MMS22L: variants seen among roughly 807,000 people sequenced by gnomAD.
MMS22L encodes MMS22 like, DNA repair protein.
MMS22L carries 74 observed loss-of-function variants against 159.1 expected under a neutral mutation model. The observed-to-expected ratio is 0.47, with a 90% CI of 0.39 to 0.56. MMS22L has a LOEUF of 0.56. Among genes scored for constraint, MMS22L ranks in the 20% least tolerant of loss-of-function variants. MMS22L has a pLI of 0.00. For missense variants in MMS22L, 1,351 were observed against 1,422.1 expected (o/e 0.95, Z 0.80); for synonymous variants, 517 against 506.9 (o/e 1.02, Z -0.27).
chr6:97,231,293 T>C (rs376764602), intron 13 of MMS22L, 133 bp downstream of exon 13: 3 of 642,708 alleles, frequency 4.7e-6, no homozygotes, highest in East Asian at 5.5e-5. Flanking sequence ...TTTAATCAAA[T>C]GCATATAATG....
intron 14 of MMS22L, among the ~76,000 whole-genome samples, chr6:97,209,627 G>T (rs1192333046): frequency 6.6e-6 from 1 of 151,928 alleles, no homozygotes; most frequent in Non-Finnish European, 1.5e-5. Flanking sequence ...AAGCAAATAT[G>T]CTGTTTAGTA....
chr6:97,188,005 C>A (rs1213929520), intron 14 of MMS22L, among the ~76,000 whole-genome samples: 2 of 152,094 alleles, frequency 1.3e-5, no homozygotes, highest in African/African-American at 4.8e-5. Context: ...GTAAACAATT[C>A]TCATAAAAGC....
At chr6:97,211,565 A>T (rs1268661798) in intron 14 of MMS22L, among the ~76,000 whole-genome samples, 1 of 152,148 alleles carries the variant, frequency 6.6e-6, no homozygotes, top group Non-Finnish European at 1.5e-5. Flanking sequence ...TCTATGTAGC[A>T]TCCGTGTTGT....
chr6:97,267,702 A>T, intron 8 of MMS22L, 170 bp downstream of exon 8: 5 of 414,750 alleles, frequency 1.2e-5, no homozygotes, highest in Admixed American at 4.8e-5. Flanking sequence ...AGCCTCTTTT[A>T]GATGTTTAAA....
In MMS22L at chr6:97,282,942, C is replaced by T. The variant is rs113938901; in HGVS notation, c.-77+154G>A. 7.3e-3 allele frequency: 1,122 copies of T among 153,642 alleles called. 19 individuals carry two copies. Among genetic ancestry groups the T allele is most frequent in the African/African-American group, 0.025 (1,051 of 41,586 alleles). 9.5% of individuals were successfully genotyped at this position (153,642 alleles called of 1,614,324 possible). ...CTCGGGGTGGAAATTAGGAAAGCAA[C>T]CCCTAGGGCCAACCCCGACCCTCCA... On this transcript the variant is annotated intron_variant, in intron 1 of 24. Coordinates refer to ENST00000683635, the MANE Select transcript of MMS22L (RefSeq NM_001350599.2).
intron 11 of MMS22L, among the ~76,000 whole-genome samples, chr6:97,240,201 T>C (rs1465526128): frequency 6.6e-6 from 1 of 152,184 alleles, no homozygotes; most frequent in African/African-American, 2.4e-5. Flanking sequence ...CAACACATAG[T>C]CCTATACTAC....
intron 15 of MMS22L, among the ~76,000 whole-genome samples, chr6:97,184,376 G>T (rs955101254): frequency 6.6e-6 from 1 of 151,948 alleles, no homozygotes; most frequent in Non-Finnish European, 1.5e-5. Context: ...TGGTTTTAAA[G>T]AATTATTTAT....
intron 2 of MMS22L, 33 bp from the exon 3 acceptor site, chr6:97,281,395 G>A: frequency 6.5e-7 from 1 of 1,531,134 alleles, no homozygotes; most frequent in Non-Finnish European, 8.9e-7. Context: ...CTCATAAAAA[G>A]TATACTAAGT....
intron 14 of MMS22L, among the ~76,000 whole-genome samples, chr6:97,202,079 A>G (rs141275978): frequency 1.6e-3 from 250 of 152,306 alleles, no homozygotes; most frequent in African/African-American, 5.9e-3. Flanking sequence ...TATTCTTCTT[A>G]TAACAACATA....
rs1401013668 is a variant in MMS22L, at chr6:97,143,251, A to G, written c.*3555T>C. 2.0e-5 allele frequency: 3 copies of G among 152,190 alleles called. No homozygotes were observed. The highest frequency in any genetic ancestry group is 7.2e-5 in the African/African-American group (3 of 41,446). 9.4% of individuals were successfully genotyped at this position (152,190 alleles called of 1,614,324 possible). A position where few individuals can be genotyped will look rare whatever the true frequency, so the allele number is the denominator to read the frequency against. On this transcript the variant is annotated 3_prime_UTR_variant, in exon 25 of 25. Coordinates refer to ENST00000683635, the MANE Select transcript of MMS22L (RefSeq NM_001350599.2). ...ATTTTCTTCCTATTTAAGTGTCTTC[A>G]ATTTCTATAGGAAAGAGGTCCTATA...
At chr6:97,170,510 T>C (rs1803427645) in intron 19 of MMS22L, among the ~76,000 whole-genome samples, 1 of 151,794 alleles carries the variant, frequency 6.6e-6, no homozygotes, top group Non-Finnish European at 1.5e-5. Flanking sequence ...TATTAACAAA[T>C]AAAACTGAAA....
intron 14 of MMS22L, among the ~76,000 whole-genome samples, chr6:97,221,745 T>C (rs1031982053): frequency 5.3e-5 from 8 of 152,042 alleles, no homozygotes; most frequent in African/African-American, 9.7e-5. Context: ...AAACTGGTAA[T>C]AGATTTTATT....
intron 22 of MMS22L, among the ~76,000 whole-genome samples, chr6:97,152,638 A>G (rs1801426017): frequency 6.6e-6 from 1 of 152,158 alleles, no homozygotes. Context: ...CACAAAATAT[A>G]TGATGAACAT....
At chr6:97,198,723 T>C (rs1448722536) in intron 14 of MMS22L, among the ~76,000 whole-genome samples, 1 of 152,062 alleles carries the variant, frequency 6.6e-6, no homozygotes, top group Non-Finnish European at 1.5e-5. Context: ...CTGTTTTAAG[T>C]CTCCTAGAAG....
At chr6:97,213,464 C>A (rs73760104) in intron 14 of MMS22L, among the ~76,000 whole-genome samples, 9 of 152,192 alleles carry the variant, frequency 5.9e-5, no homozygotes, top group African/African-American at 1.2e-4. Flanking sequence ...TTTGTCCCCC[C>A]ACCCTTCAAA....
chr6:97,168,056 C>A lies in MMS22L; in HGVS notation c.3009+15G>T. Reference sequence around the variant, plus strand: ...ATTTTTTTTTTAAACTTTTAAGCAACCACAGATACTATACCTGGAGATACA... The same window carrying A: ...ATTTTTTTTTTAAACTTTTAAGCAAACACAGATACTATACCTGGAGATACA... On this transcript the variant is annotated intron_variant, in intron 20 of 24. Transcript: ENST00000683635. 6.4e-7 allele frequency: 1 copy of A among 1,574,620 alleles called. No homozygotes were observed. The highest frequency in any genetic ancestry group is 8.6e-7 in the Non-Finnish European group (1 of 1,165,540).
intron 11 of MMS22L, among the ~76,000 whole-genome samples, chr6:97,235,098 G>C (rs1186699117): frequency 6.6e-6 from 1 of 152,182 alleles, no homozygotes; most frequent in Non-Finnish European, 1.5e-5. Flanking sequence ...TATACATAAA[G>C]AGTGAATAGA....
chr6:97,249,962 C>T (rs1480681442), intron 10 of MMS22L, among the ~76,000 whole-genome samples: 2 of 151,814 alleles, frequency 1.3e-5, no homozygotes, highest in African/African-American at 2.4e-5. Context: ...TAATTCTCAC[C>T]CAAAGAATTT....
rs545916213 is a variant in MMS22L at position 97,191,657 on chromosome 6, A to C, written c.2040-4967T>G. Among the ~76,000 whole-genome samples the C allele has an allele frequency of 2.0e-5, 3 of 152,314 alleles. No individual in the cohort carries two copies. The East Asian group carries it at 5.8e-4, about 29-fold the overall frequency. On this transcript the variant is annotated intron_variant, in intron 14 of 24. Transcript: ENST00000683635. ...TTGTTCCAAACCACTATGAGTAATT[A>C]TTCCAAGTATCTTATTGATCTGATG... is the stretch of plus-strand genomic sequence containing the variant.
Sources: allele counts gnomAD v4.1 joint callset (sites outside exome capture counted in the v4.1 genomes callset), GRCh38; gene constraint gnomAD v4.1.1; transcripts MANE v1.5; gene names NCBI Gene and HGNC (gene_info 2026-07-23, HGNC 2026-07-21).